The following SLC4A4 variants were observed in gnomAD, a reference collection of about 807,000 sequenced individuals.
SLC4A4 encodes electrogenic sodium bicarbonate cotransporter 1.
Under a neutral mutation model 111.5 loss-of-function variants are expected in SLC4A4, and 27 were observed. The ratio of observed to expected loss-of-function variants is 0.24; its 90% CI spans 0.18 to 0.33. The LOEUF (loss-of-function observed/expected upper bound fraction) is 0.33, where lower values mean the gene tolerates loss of function less well. Ranked by LOEUF, SLC4A4 falls within the 10% of genes least tolerant of loss-of-function variation. The pLI is 1.00. For missense variants in SLC4A4, 909 were observed against 1,315.5 expected, an observed-to-expected ratio of 0.69 and a Z score of 4.78; for synonymous variants, 443 against 463.4, an observed-to-expected ratio of 0.96 and a Z score of 0.57.
chr4:71,299,282 G>A (rs935834338), intron 3 of SLC4A4, among the ~76,000 whole-genome samples: 1 of 152,206 alleles, frequency 6.6e-6, no homozygotes, highest in Non-Finnish European at 1.5e-5. Context: ...TTTTGTGTGT[G>A]TGTGGTTGTA....
At chr4:71,306,233 C>G (rs892974025) in intron 3 of SLC4A4, among the ~76,000 whole-genome samples, 1 of 151,494 alleles carries the variant, frequency 6.6e-6, no homozygotes, top group Non-Finnish European at 1.5e-5. Context: ...TATTTGTTAG[C>G]TGTCTGACCT....
At chr4:71,372,768 T>C (rs1218443471) in intron 6 of SLC4A4, among the ~76,000 whole-genome samples, 1 of 152,226 alleles carries the variant, frequency 6.6e-6, no homozygotes, top group Non-Finnish European at 1.5e-5. Context: ...TTCAGTGTTT[T>C]GCTTTGCAAG....
At chr4:71,122,517 G>A (rs747555173) in intron 2 of SLC4A4, among the ~76,000 whole-genome samples, 2 of 151,870 alleles carry the variant, frequency 1.3e-5, no homozygotes, top group Non-Finnish European at 2.9e-5. Flanking sequence ...GAAGACAATA[G>A]CATTATAAAA....
At chr4:71,315,340 T>C (rs1222407806) in intron 3 of SLC4A4, among the ~76,000 whole-genome samples, 4 of 152,148 alleles carry the variant, frequency 2.6e-5, no homozygotes, top group African/African-American at 9.7e-5. Context: ...ATATAATTAC[T>C]TTGGCTTGAG....
At chr4:71,089,011 G>T (rs1012272287) in intron 1 of SLC4A4, among the ~76,000 whole-genome samples, 1 of 152,044 alleles carries the variant, frequency 6.6e-6, no homozygotes, top group Non-Finnish European at 1.5e-5. Context: ...TTCCAACTTG[G>T]TTCCATTCTG....
chr4:71,128,964 G>A (rs1743629138), intron 2 of SLC4A4, among the ~76,000 whole-genome samples: 1 of 151,816 alleles, frequency 6.6e-6, no homozygotes, highest in African/African-American at 2.4e-5. Flanking sequence ...AATATTCTCC[G>A]CCTTTGAATT....
intron 15 of SLC4A4, among the ~76,000 whole-genome samples, chr4:71,491,639 A>G (rs1428646168): frequency 6.6e-6 from 1 of 151,890 alleles, no homozygotes; most frequent in Non-Finnish European, 1.5e-5. Flanking sequence ...CTGCCGGGAT[A>G]GGCTCTGACC....
chr4:71,521,016 C>T (rs968547957), intron 16 of SLC4A4, among the ~76,000 whole-genome samples: 1 of 152,202 alleles, frequency 6.6e-6, no homozygotes, highest in Middle Eastern at 3.4e-3. Context: ...GCCACTGCAC[C>T]TGGTCTGATC....
intron 2 of SLC4A4, among the ~76,000 whole-genome samples, chr4:71,122,474 G>A (rs1469983976): frequency 6.6e-6 from 1 of 152,144 alleles, no homozygotes; most frequent in Non-Finnish European, 1.5e-5. Flanking sequence ...ATACAGCTAT[G>A]TGGTAGAATT....
intron 6 of SLC4A4, among the ~76,000 whole-genome samples, chr4:71,393,955 G>C (rs1719551036): frequency 6.6e-6 from 1 of 152,132 alleles, no homozygotes; most frequent in Non-Finnish European, 1.5e-5. Flanking sequence ...TAATCGGCTA[G>C]CCACAGGTAG....
intron 3 of SLC4A4, among the ~76,000 whole-genome samples, chr4:71,266,725 G>C (rs921660856): frequency 1.3e-5 from 2 of 152,150 alleles, no homozygotes; most frequent in Non-Finnish European, 2.9e-5. Flanking sequence ...TCATGGTCCT[G>C]GGGCAGGCGC....
rs570930476 is a variant in SLC4A4, at chr4:71,178,445, T to C, written c.-1-58131T>C. Among the ~76,000 whole-genome samples, 47 of 151,524 alleles carry C rather than the reference T, an allele frequency of 3.1e-4. No individual in the cohort carries two copies. In the South Asian group the frequency reaches 8.4e-3, roughly 27 times the overall value. Reference sequence around the variant, plus strand: ...GGTTTTTTGAAAAGATCAACAAAATTGATAGACCGCTAGCAAGACTAATAA... The same window carrying C: ...GGTTTTTTGAAAAGATCAACAAAATCGATAGACCGCTAGCAAGACTAATAA... On this transcript the variant is annotated intron_variant, in intron 2 of 26. Coordinates refer to the SLC4A4 transcript ENST00000649996.
At chr4:71,118,358 C>G (rs1743328069) in intron 2 of SLC4A4, among the ~76,000 whole-genome samples, 1 of 152,068 alleles carries the variant, frequency 6.6e-6, no homozygotes, top group African/African-American at 2.4e-5. Flanking sequence ...ATACAAGGTC[C>G]TGGGGATACC....
upstream of SLC4A4, among the ~76,000 whole-genome samples, chr4:71,185,931 A>C (rs1487567949): frequency 6.6e-6 from 1 of 152,232 alleles, no homozygotes; most frequent in Non-Finnish European, 1.5e-5. Flanking sequence ...GTCCACATAC[A>C]CATTACATAT....
intron 18 of SLC4A4, among the ~76,000 whole-genome samples, chr4:71,539,367 A>G (rs1289292234): frequency 6.6e-6 from 1 of 151,972 alleles, no homozygotes; most frequent in Non-Finnish European, 1.5e-5. Context: ...TTACCTCTCA[A>G]AGAACTTCCA....
At chr4:71,538,240 AAT>A (rs1392613030) in intron 18 of SLC4A4, among the ~76,000 whole-genome samples, 2 of 152,252 alleles carry the variant, frequency 1.3e-5, no homozygotes, top group East Asian at 3.9e-4. Context: ...TAAAATTCAG[AAT>A]TTAGAATTTC....
intron 14 of SLC4A4, among the ~76,000 whole-genome samples, chr4:71,476,733 C>G (rs1429019072): frequency 6.6e-6 from 1 of 151,648 alleles, no homozygotes; most frequent in African/African-American, 2.4e-5. Flanking sequence ...CTCCCAACTA[C>G]TGCTTGGTAA....
At chr4:71,262,057 G>C (rs374431311) in intron 3 of SLC4A4, among the ~76,000 whole-genome samples, 21 of 152,172 alleles carry the variant, frequency 1.4e-4, no homozygotes, top group African/African-American at 4.8e-4. Context: ...GCGGAAGGCA[G>C]GTCACATCCT....
Position 71,385,198 on chromosome 4 carries a change from T to A in SLC4A4, c.731-12379T>A, listed in dbSNP as rs11724243. On this transcript the variant is annotated intron_variant, in intron 6 of 25. Coordinates refer to ENST00000264485, the MANE Select transcript of SLC4A4 (RefSeq NM_001098484.3). ...ATATATATATATATATATATTTTTT[T>A]TTTTTTTTTTTTTTTTTGAGACAGA... Among the ~76,000 whole-genome samples, 10 of 95,702 alleles carry A rather than the reference T, an allele frequency of 1.0e-4. No homozygotes were observed. The South Asian group carries it at 1.1e-3, about 10-fold the overall frequency. 62.8% of individuals were successfully genotyped at this position (95,702 alleles called of 152,430 possible).
Sources: allele counts gnomAD v4.1 joint callset (sites outside exome capture counted in the v4.1 genomes callset), GRCh38; gene constraint gnomAD v4.1.1; transcripts MANE v1.5; gene names NCBI Gene and HGNC (gene_info 2026-07-23, HGNC 2026-07-21).